The following NIPA2 variants were observed in gnomAD, a reference collection of about 807,000 sequenced individuals.
NIPA2 encodes the protein magnesium transporter NIPA2.
NIPA2 carries 11 observed loss-of-function variants against 29.7 expected under a neutral mutation model. The ratio of observed to expected loss-of-function variants is 0.37; its 90% CI spans 0.23 to 0.61. NIPA2 has a LOEUF of 0.61. Among genes scored for constraint, NIPA2 ranks in the 20% least tolerant of loss-of-function variants. NIPA2 has a pLI of 0.66. For synonymous variants in NIPA2, 183 were observed against 161.9 expected (o/e 1.13, Z -0.99); for missense variants, 426 against 437.9 (o/e 0.97, Z 0.24).
At position 22,868,363 on chromosome 15, in the gene NIPA2, A is replaced by AAT. The variant is rs761174806; in HGVS notation, c.*1518_*1519dup. 1.0e-4 allele frequency: 11 copies of AAT among 108,926 alleles called. No homozygotes were observed. Among genetic ancestry groups the AAT allele is most frequent in the Admixed American group, 2.5e-4 (2 of 8,032 alleles). 6.7% of individuals were successfully genotyped at this position (108,926 alleles called of 1,614,324 possible). ...TCATTTGAACATGCATAGGTTAATA[A>AAT]ATAATAAATTCTTATTTAACATTTT... On this transcript the variant is annotated 3_prime_UTR_variant, in exon 8 of 8. Coordinates refer to ENST00000337451, the MANE Select transcript of NIPA2 (RefSeq NM_030922.7).
intron 5 of NIPA2, among the ~76,000 whole-genome samples, chr15:22,857,381 G>A (rs1353994974): frequency 6.6e-6 from 1 of 150,772 alleles, no homozygotes; most frequent in East Asian, 2.0e-4. Flanking sequence ...AGGTTGTAGT[G>A]AGCCAAGATC....
intron 5 of NIPA2, among the ~76,000 whole-genome samples, chr15:22,856,424 C>T (rs1402593339): frequency 6.6e-6 from 1 of 150,402 alleles, no homozygotes; most frequent in Non-Finnish European, 1.5e-5. Context: ...GTCAGTCATA[C>T]ATAAATGGAA....
intron 7 of NIPA2, among the ~76,000 whole-genome samples, chr15:22,863,089 T>G (rs1332416513): frequency 6.6e-6 from 1 of 151,054 alleles, no homozygotes. Flanking sequence ...TTCTTTGTTT[T>G]TTTTTTTTTG....
intron 2 of NIPA2, among the ~76,000 whole-genome samples, chr15:22,840,251 T>C (rs1287629656): frequency 7.0e-6 from 1 of 142,388 alleles, no homozygotes; most frequent in Non-Finnish European, 1.5e-5. Flanking sequence ...GGAAACCAGG[T>C]AGTAAAGATT....
At chr15:22,858,379 G>A (rs1206829711) in intron 5 of NIPA2, among the ~76,000 whole-genome samples, 161 bp from the exon 6 acceptor site, 2 of 152,174 alleles carry the variant, frequency 1.3e-5, no homozygotes, top group Non-Finnish European at 2.9e-5. Flanking sequence ...GGGCGACAGA[G>A]TGAGACTCCG....
At chr15:22,856,391 C>CTT (rs11410234) in intron 5 of NIPA2, among the ~76,000 whole-genome samples, 6 of 146,542 alleles carry the variant, frequency 4.1e-5, no homozygotes, top group African/African-American at 7.4e-5. Flanking sequence ...TTTCTCCAAG[C>CTT]TTTTTTTTTT....
chr15:22,847,517 T>C (rs191792565), intron 3 of NIPA2, among the ~76,000 whole-genome samples: 126 of 152,012 alleles, frequency 8.3e-4, no homozygotes, highest in African/African-American at 2.9e-3. Context: ...TAGGGTGGAA[T>C]GCAGTGGGGT....
In NIPA2 at chr15:22,866,855, GTAAT is replaced by G. The variant is rs759730358; in HGVS notation, c.*12_*15del. On this transcript the variant is annotated 3_prime_UTR_variant, in exon 8 of 8. Transcript: ENST00000337451. Reference sequence around the variant, plus strand: ...AATCTGACAGCTTTTTAAGAAAGGTGTAATTAAAGGTTAATCTGTGATTGTTATG... The same window carrying G: ...AATCTGACAGCTTTTTAAGAAAGGTGTAAAGGTTAATCTGTGATTGTTATG... 4 of 1,537,422 alleles carry G rather than the reference GTAAT, an allele frequency of 2.6e-6. No homozygotes were observed. Among genetic ancestry groups the G allele is most frequent in the Middle Eastern group, 1.8e-4 (1 of 5,676 alleles).
intron 7 of NIPA2, among the ~76,000 whole-genome samples, chr15:22,864,234 C>A (rs1406817970): frequency 6.6e-6 from 1 of 152,070 alleles, no homozygotes; most frequent in Admixed American, 6.6e-5. Context: ...TGGCTCACTG[C>A]AAGCTCCCCT....
intron 5 of NIPA2, among the ~76,000 whole-genome samples, chr15:22,854,763 A>C (rs1382570746): frequency 6.6e-6 from 1 of 152,026 alleles, no homozygotes; most frequent in African/African-American, 2.4e-5. Context: ...CAAAACAAAA[A>C]AAATTATTAT....
intron 5 of NIPA2, among the ~76,000 whole-genome samples, chr15:22,856,764 CAG>C: frequency 6.6e-6 from 1 of 151,938 alleles, no homozygotes; most frequent in South Asian, 2.1e-4. Flanking sequence ...GAAGGCATAA[CAG>C]AATCATCCCA....
At position 22,844,635 on chromosome 15, in the gene NIPA2, G is replaced by T. The variant is rs561150994; in HGVS notation, c.-215-511G>T. ...CTAGGTGTCGTGGTATACGCCTGTG[G>T]TCCTGTTGATTTGAGCAGCTGAGGT... On this transcript the variant is annotated intron_variant, in intron 2 of 7. Coordinates refer to ENST00000337451, the MANE Select transcript of NIPA2 (RefSeq NM_030922.7). Among the ~76,000 whole-genome samples, 48 of 152,096 alleles carry T rather than the reference G, an allele frequency of 3.2e-4. 2 individuals carry two copies. The South Asian group carries it at 9.1e-3, about 29-fold the overall frequency.
At chr15:22,854,047 G>A (rs983081408) in intron 5 of NIPA2, among the ~76,000 whole-genome samples, 1 of 151,216 alleles carries the variant, frequency 6.6e-6, no homozygotes, top group Admixed American at 6.6e-5. Flanking sequence ...GGCTGGTCTC[G>A]ATCTCTTGAC....
intron 2 of NIPA2, among the ~76,000 whole-genome samples, chr15:22,840,777 G>C (rs1295659667): frequency 6.6e-6 from 1 of 152,166 alleles, no homozygotes; most frequent in Admixed American, 6.5e-5. Flanking sequence ...ATGGAATAGT[G>C]CCTGGGGAGG....
intron 3 of NIPA2, among the ~76,000 whole-genome samples, chr15:22,849,237 G>C (rs2057526689): frequency 6.6e-6 from 1 of 152,114 alleles, no homozygotes; most frequent in Admixed American, 6.6e-5. Context: ...GAGATGACCA[G>C]TATTTGGCAC....
At chr15:22,856,409 G>A (rs73420291) in intron 5 of NIPA2, among the ~76,000 whole-genome samples, 31,239 of 146,950 alleles carry the variant, frequency 0.21, 3,471 homozygotes, top group Admixed American at 0.32. Flanking sequence ...TTTTCTTTTT[G>A]AGAAGTCAGT....
chr15:22,867,506 C>T lies in NIPA2; in HGVS notation c.*659C>T, dbSNP rs2059189041. 1 of 284,868 alleles carries T rather than the reference C, an allele frequency of 3.5e-6. No homozygotes were observed. The highest frequency in any genetic ancestry group is 5.2e-5 in the Admixed American group (1 of 19,362). 17.6% of individuals were successfully genotyped at this position (284,868 alleles called of 1,614,324 possible). On this transcript the variant is annotated 3_prime_UTR_variant, in exon 8 of 8. Coordinates refer to ENST00000337451, the MANE Select transcript of NIPA2 (RefSeq NM_030922.7). ...TAGCACCTCATCAAGCCAGCACATC[C>T]TGCCTGCTGTTGCAGCCTGGCTGGG...
At chr15:22,864,434 G>C (rs751673000) in intron 7 of NIPA2, among the ~76,000 whole-genome samples, 2 of 152,176 alleles carry the variant, frequency 1.3e-5, no homozygotes, top group Admixed American at 6.5e-5. Context: ...GATTACAGGC[G>C]TGAGCCACCA....
chr15:22,866,668 G>A lies in NIPA2; in HGVS notation c.904G>A (p.Val302Ile), dbSNP rs767913997. ...GIFLLHAFKD[V>I]SFSLASLPVS... ...ATTCTTGTTGCATGCCTTTAAAGAC[G>A]TCAGCTTTAGTCTAGCAAGTCTGCC... is the stretch of plus-strand genomic sequence containing the variant. Residue 302 changes from valine (V) to isoleucine (I), a missense_variant, in exon 8 of 8, where the codon GTC becomes ATC. This residue lies in a region of NIPA2 where 357 missense variants were observed against 339.8 expected (regional missense o/e 1.05). Transcript: ENST00000337451. 5.6e-6 allele frequency: 9 copies of A among 1,614,014 alleles called. No individual in the cohort carries two copies. Among genetic ancestry groups the A allele is most frequent in the East Asian group, 4.5e-5 (2 of 44,880 alleles).
Sources: allele counts gnomAD v4.1 joint callset (sites outside exome capture counted in the v4.1 genomes callset), GRCh38; gene constraint gnomAD v4.1.1; regional missense constraint gnomAD v4.1.1; transcripts MANE v1.5; gene names NCBI Gene and HGNC (gene_info 2026-07-23, HGNC 2026-07-21).